The following MYO1E variants were observed in gnomAD, a reference collection of about 807,000 sequenced individuals.
MYO1E encodes unconventional myosin-Ie.
In MYO1E, 68 loss-of-function variants were observed where a neutral mutation model predicts 151.1. That is an observed-to-expected ratio of 0.45 (90% CI 0.37 to 0.55). The LOEUF (loss-of-function observed/expected upper bound fraction) is 0.55, where lower values mean the gene tolerates loss of function less well. Among genes scored for constraint, MYO1E ranks in the 20% least tolerant of loss-of-function variants. The pLI, the probability that MYO1E is intolerant of heterozygous loss-of-function variation, is 0.00. For missense variants in MYO1E, 1,363 were observed against 1,389.3 expected, an observed-to-expected ratio of 0.98 and a Z score of 0.30; for synonymous variants, 601 against 501.7, an observed-to-expected ratio of 1.20 and a Z score of -2.64.
At chr15:59,206,761 C>T (rs1189467991) in intron 14 of MYO1E, 6 of 613,204 alleles carry the variant, frequency 9.8e-6, no homozygotes, top group African/African-American at 1.8e-5. Context: ...TGAGCACCCA[C>T]GGAAAGCACG....
intron 23 of MYO1E, 71 bp from the exon 24 acceptor site, chr15:59,161,301 C>T (rs961075293): frequency 4.0e-6 from 6 of 1,516,706 alleles, no homozygotes; most frequent in East Asian, 4.6e-5. Context: ...GATCCCGCCA[C>T]GGAGTTCTGC....
intron 1 of MYO1E, among the ~76,000 whole-genome samples, chr15:59,344,272 G>A (rs985150488): frequency 3.9e-5 from 6 of 152,232 alleles, no homozygotes; most frequent in Admixed American, 1.3e-4. Context: ...TTGCGGACTC[G>A]TAGAGGTACT....
chr15:59,249,206 G>A lies in MYO1E; in HGVS notation c.332+7078C>T, dbSNP rs535393623. ...TGGGAGGCTGAGGCGGGTGGATCACGAGATCAAGAGATCAAGACCACCCTG... is the reference window on the plus strand; with the variant it reads ...TGGGAGGCTGAGGCGGGTGGATCACAAGATCAAGAGATCAAGACCACCCTG... On this transcript the variant is annotated intron_variant, in intron 4 of 27. Transcript: ENST00000288235. 6.6e-5 allele frequency among the ~76,000 whole-genome samples: 10 copies of A among 152,174 alleles called. No individual in the cohort carries two copies. The East Asian group carries it at 1.2e-3, about 18-fold the overall frequency.
intron 14 of MYO1E, chr15:59,208,431 C>G: frequency 1.7e-6 from 1 of 586,438 alleles, no homozygotes; most frequent in Non-Finnish European, 3.1e-6. Context: ...TTCATTCTTG[C>G]TGGTTTATAC....
At chr15:59,289,188 T>G (rs907952897) in intron 1 of MYO1E, among the ~76,000 whole-genome samples, 3 of 152,166 alleles carry the variant, frequency 2.0e-5, no homozygotes, top group African/African-American at 7.2e-5. Context: ...ACTGTGCAGC[T>G]CTCTGCTTCC....
intron 2 of MYO1E, among the ~76,000 whole-genome samples, chr15:59,270,498 GTGCCACTGCACTCCAGCC>G (rs2080282828): frequency 6.8e-6 from 1 of 147,364 alleles, no homozygotes; most frequent in South Asian, 2.1e-4. Flanking sequence ...AGCTGGGATC[GTGCCACTGCACTCCAGCC>G]TGGGTGACAG....
intron 1 of MYO1E, among the ~76,000 whole-genome samples, chr15:59,290,997 A>C (rs534568412): frequency 1.3e-5 from 2 of 152,356 alleles, no homozygotes; most frequent in African/African-American, 4.8e-5. Context: ...ACACAATTAA[A>C]GTACAAGACG....
At chr15:59,176,207 C>T (rs113661339) in intron 19 of MYO1E, among the ~76,000 whole-genome samples, 7 of 151,968 alleles carry the variant, frequency 4.6e-5, no homozygotes, top group African/African-American at 1.4e-4. Context: ...TACAGGCGCC[C>T]GCCACCATGC....
chr15:59,220,433 A>G (rs1430536221), intron 9 of MYO1E, among the ~76,000 whole-genome samples: 1 of 152,260 alleles, frequency 6.6e-6, no homozygotes, highest in Non-Finnish European at 1.5e-5. Flanking sequence ...TGGGTGACAC[A>G]GAAAGACTCT....
chr15:59,174,286 A>T, intron 19 of MYO1E, 46 bp from the exon 20 acceptor site: 1 of 1,336,682 alleles, frequency 7.5e-7, no homozygotes, highest in African/African-American at 1.4e-5. Flanking sequence ...CCAAGCCCCA[A>T]TCCCTGAACA....
At chr15:59,207,358 C>T (rs760208745) in intron 14 of MYO1E, 3 of 1,614,034 alleles carry the variant, frequency 1.9e-6, no homozygotes, top group Non-Finnish European at 2.5e-6. Context: ...AAACTCCAAC[C>T]TAGTGATTAT....
At chr15:59,195,597 G>C (rs375353105) in intron 16 of MYO1E, 30 bp from the exon 17 acceptor site, 108 of 1,583,612 alleles carry the variant, frequency 6.8e-5, no homozygotes, top group Non-Finnish European at 9.0e-5. Flanking sequence ...TCAGAATCAT[G>C]GAACTTTCTC....
chr15:59,153,887 T>C (rs2079495690), intron 25 of MYO1E, 96 bp from the exon 26 acceptor site: 2 of 1,177,686 alleles, frequency 1.7e-6, no homozygotes, highest in Middle Eastern at 1.9e-4. Flanking sequence ...AAGGGCAGCT[T>C]ACTTAACTTC....
chr15:59,193,592 G>A (rs2079747496), intron 17 of MYO1E, among the ~76,000 whole-genome samples: 1 of 152,196 alleles, frequency 6.6e-6, no homozygotes, highest in African/African-American at 2.4e-5. Context: ...GGATTAACCT[G>A]TAGAAGAGAA....
At chr15:59,272,636 A>ATG (rs1440541722) in intron 1 of MYO1E, among the ~76,000 whole-genome samples, 187 bp from the exon 2 acceptor site, 2 of 152,228 alleles carry the variant, frequency 1.3e-5, no homozygotes, top group Non-Finnish European at 2.9e-5. Context: ...GACTAAGTTA[A>ATG]GTGGGGAAAA....
chr15:59,338,518 A>G (rs1268612919), intron 1 of MYO1E, among the ~76,000 whole-genome samples: 3 of 152,130 alleles, frequency 2.0e-5, no homozygotes, highest in Non-Finnish European at 4.4e-5. Context: ...CTCGCTCCAT[A>G]AAACACTCAG....
chr15:59,360,515 T>C (rs1227352487), intron 1 of MYO1E, among the ~76,000 whole-genome samples: 2 of 152,176 alleles, frequency 1.3e-5, no homozygotes, highest in African/African-American at 4.8e-5. Flanking sequence ...GAGCCCAGCA[T>C]GGTTTGGCAT....
chr15:59,215,275 T>TG (rs2079906254), intron 10 of MYO1E, among the ~76,000 whole-genome samples: 1 of 152,192 alleles, frequency 6.6e-6, no homozygotes, highest in African/African-American at 2.4e-5. Context: ...CTATTAAACA[T>TG]TCACCTTTGC....
In MYO1E at chr15:59,153,032, T is replaced by C. The variant is rs576512597; in HGVS notation, c.3080+558A>G. Among the ~76,000 whole-genome samples, 7 of 152,004 alleles carry C rather than the reference T, an allele frequency of 4.6e-5. No homozygotes were observed. The South Asian group carries it at 6.3e-4, about 14-fold the overall frequency. On this transcript the variant is annotated intron_variant, in intron 26 of 27. Coordinates refer to ENST00000288235, the MANE Select transcript of MYO1E (RefSeq NM_004998.4). Reference sequence around the variant, plus strand: ...CCCCTTTTAAAACTGATAGCTCTTTTAATATCTACACAGAGTTTCAGGAAT... The same window carrying C: ...CCCCTTTTAAAACTGATAGCTCTTTCAATATCTACACAGAGTTTCAGGAAT...
Sources: gnomAD v4.1 joint callset for allele counts (sites outside exome capture counted in the v4.1 genomes callset) on GRCh38, gnomAD v4.1.1 for gene constraint, MANE v1.5 for transcripts, NCBI Gene and HGNC (gene_info 2026-07-23, HGNC 2026-07-21) for gene names.